CDCA5: variants seen among roughly 807,000 people sequenced by gnomAD.
CDCA5 encodes sororin.
In CDCA5, 14 loss-of-function variants were observed where a neutral mutation model predicts 25.7. The observed-to-expected ratio is 0.54, with a 90% CI of 0.36 to 0.85. The LOEUF (loss-of-function observed/expected upper bound fraction) is 0.85, where lower values mean the gene tolerates loss of function less well. Ranked by LOEUF, CDCA5 falls within the 40% of genes least tolerant of loss-of-function variation. The pLI, the probability that CDCA5 is intolerant of heterozygous loss-of-function variation, is 0.01. For missense variants in CDCA5, 307 were observed against 324.5 expected (o/e 0.95, Z 0.41); for synonymous variants, 127 against 128.7 (o/e 0.99, Z 0.09).
chr11:65,079,344 C>T lies in CDCA5; in HGVS notation c.678+9G>A. On this transcript the variant is annotated intron_variant, in intron 5 of 5. Coordinates refer to ENST00000275517, the MANE Select transcript of CDCA5 (RefSeq NM_080668.4). ...ACACGGCAGAGAAAAACCCCTGCCT[C>T]TCACTCACCAAGATCTCTGGCATTT... 6.2e-7 allele frequency: 1 copy of T among 1,614,144 alleles called. No individual in the cohort carries two copies. The highest frequency in any genetic ancestry group is 8.5e-7 in the Non-Finnish European group (1 of 1,180,020).
intron 4 of CDCA5, among the ~76,000 whole-genome samples, chr11:65,080,956 A>C (rs2137137046): frequency 6.6e-6 from 1 of 152,324 alleles, no homozygotes; most frequent in South Asian, 2.1e-4. Context: ...CACTGAGGTG[A>C]CATTCAAGCT....
downstream of CDCA5, among the ~76,000 whole-genome samples, chr11:65,062,775 A>G (rs1222056975): frequency 6.6e-6 from 1 of 152,154 alleles, no homozygotes. Context: ...TTAAAAATAC[A>G]TAAATAAAAT....
intron 4 of CDCA5, among the ~76,000 whole-genome samples, chr11:65,081,778 C>A (rs1947572142): frequency 6.6e-6 from 1 of 152,052 alleles, no homozygotes; most frequent in South Asian, 2.1e-4. Flanking sequence ...CCGGCCTGGG[C>A]AACATAGTGA....
chr11:65,076,347 T>C (rs910192576), downstream of CDCA5, among the ~76,000 whole-genome samples: 1 of 152,114 alleles, frequency 6.6e-6, no homozygotes, highest in African/African-American at 2.4e-5. Context: ...ACTCCTGAGC[T>C]CAAGTGATCC....
Position 65,080,965 on chromosome 11 carries a change from C to A in CDCA5, c.244-1178G>T, listed in dbSNP as rs139427611. Among the ~76,000 whole-genome samples, 92 of 152,304 alleles carry A rather than the reference C, an allele frequency of 6.0e-4. No individual in the cohort carries two copies. In the East Asian group the frequency reaches 0.014, roughly 24 times the overall value. ...ATCCCTCACTGAGGTGACATTCAAG[C>A]TACAACTTGAAGGAGGTGTGGGAGT... On this transcript the variant is annotated intron_variant, in intron 4 of 5. Coordinates refer to ENST00000275517, the MANE Select transcript of CDCA5 (RefSeq NM_080668.4).
chr11:65,083,218 TG>T, intron 4 of CDCA5, 145 bp downstream of exon 4: 1 of 812,256 alleles, frequency 1.2e-6, no homozygotes. Context: ...TAATCAAGAC[TG>T]GCAATGCATG....
exon 6 of CDCA5, chr11:65,066,559 G>C: frequency 7.8e-7 from 1 of 1,289,378 alleles, no homozygotes. Context: ...CACCTGAGCA[G>C]AGCCACCTCC....
rs1339106357 is a variant in CDCA5 at position 65,077,783 on chromosome 11, C to T, written c.*1324G>A. The stretch of plus-strand genomic sequence containing the variant: ...CCTGGCAGAGGGTTTTATTAGGGCC[C>T]GCCTGGCCTGCACCGTTTCATCCAA... On this transcript the variant is annotated 3_prime_UTR_variant, in exon 6 of 6. Coordinates refer to ENST00000275517, the MANE Select transcript of CDCA5 (RefSeq NM_080668.4). The T allele has an allele frequency of 1.9e-5, 19 of 985,576 alleles. No homozygotes were observed. The highest frequency in any genetic ancestry group is 5.2e-4 in the Middle Eastern group (1 of 1,914). 61.1% of individuals were successfully genotyped at this position (985,576 alleles called of 1,614,324 possible).
At chr11:65,065,140 C>A (rs1947221022), downstream of CDCA5, among the ~76,000 whole-genome samples, 1 of 152,158 alleles carries the variant, frequency 6.6e-6, no homozygotes, top group Non-Finnish European at 1.5e-5. Context: ...AGGAATTCTG[C>A]ATGGTGGATC....
chr11:65,064,783 G>A (rs1308126251), downstream of CDCA5, among the ~76,000 whole-genome samples: 1 of 152,170 alleles, frequency 6.6e-6, no homozygotes, highest in African/African-American at 2.4e-5. Flanking sequence ...CATGTTGGCA[G>A]GCTGAGGCGG....
downstream of CDCA5, among the ~76,000 whole-genome samples, chr11:65,072,770 A>G (rs1947364161): frequency 2.0e-5 from 3 of 152,092 alleles, no homozygotes; most frequent in Admixed American, 2.0e-4. Flanking sequence ...TTACACAGCT[A>G]CTGTGTAAAC....
chr11:65,079,311 C>G, intron 5 of CDCA5, 42 bp downstream of exon 5: 1 of 1,613,806 alleles, frequency 6.2e-7, no homozygotes, highest in Non-Finnish European at 8.5e-7. Flanking sequence ...CTGCACGTCT[C>G]CCAGAGCACA....
chr11:65,077,422 G>A, downstream of CDCA5: 1 of 983,190 alleles, frequency 1.0e-6, no homozygotes, highest in Non-Finnish European at 1.2e-6. Flanking sequence ...CTTCGGCTCT[G>A]CCTTTGACTC....
At chr11:65,079,993 C>T (rs949980387) in intron 4 of CDCA5, among the ~76,000 whole-genome samples, 2 of 151,820 alleles carry the variant, frequency 1.3e-5, no homozygotes, top group African/African-American at 2.4e-5. Context: ...CGGGTTCACG[C>T]CATTCTCCTG....
At chr11:65,062,016 G>C (rs1365471075), downstream of CDCA5, among the ~76,000 whole-genome samples, 1 of 148,196 alleles carries the variant, frequency 6.7e-6, no homozygotes, top group African/African-American at 2.5e-5. Flanking sequence ...TGCCTCCCAG[G>C]TTCAAGTGAT....
At position 65,079,524 on chromosome 11, in the gene CDCA5, C is replaced by T; in HGVS notation, c.507G>A (p.Glu169=). Residue 169 remains glutamate (E), a synonymous_variant, in exon 5 of 6, where the codon GAG becomes GAA. Coordinates refer to ENST00000275517, the MANE Select transcript of CDCA5 (RefSeq NM_080668.4). The part of the protein sequence containing the change: ...TPGRRSCFGF[E]GLLGAEDLSG... ...ACAAGTCTTCTGCCCCCAGCAGCCCCTCGAAGCCAAAGCAGGACCGGCGGC... is the reference window on the plus strand; with the variant it reads ...ACAAGTCTTCTGCCCCCAGCAGCCCTTCGAAGCCAAAGCAGGACCGGCGGC... 2 of 1,614,174 alleles carry T rather than the reference C, an allele frequency of 1.2e-6. No homozygotes were observed. Among genetic ancestry groups the T allele is most frequent in the Non-Finnish European group, 1.7e-6 (2 of 1,180,038 alleles).
At chr11:65,075,515 C>T (rs1196048), downstream of CDCA5, among the ~76,000 whole-genome samples, 71,218 of 149,968 alleles carry the variant, frequency 0.47, 20,021 homozygotes, top group Non-Finnish European at 0.63. Flanking sequence ...GGGAATGACC[C>T]ACAGGAGGCT....
chr11:65,083,189 GTAT>G, intron 4 of CDCA5, 172 bp downstream of exon 4: 1 of 678,498 alleles, frequency 1.5e-6, no homozygotes, highest in Non-Finnish European at 2.6e-6. Flanking sequence ...AAAGTTAAGT[GTAT>G]TAAGTCTTCA....
Position 65,083,346 on chromosome 11 carries a change from A to T in CDCA5, c.243+18T>A. ...TGACCCAGATTCTACTTAATTAAGTAGATGAAAGTGAACTCACCCTAGGGC... is the reference window on the plus strand; with the variant it reads ...TGACCCAGATTCTACTTAATTAAGTTGATGAAAGTGAACTCACCCTAGGGC... On this transcript the variant is annotated intron_variant, in intron 4 of 5. Coordinates refer to ENST00000275517, the MANE Select transcript of CDCA5 (RefSeq NM_080668.4). 1.1e-5 allele frequency: 17 copies of T among 1,613,974 alleles called. No homozygotes were observed. The highest frequency in any genetic ancestry group is 1.4e-5 in the Non-Finnish European group (17 of 1,179,822).
Sources: allele counts gnomAD v4.1 joint callset (sites outside exome capture counted in the v4.1 genomes callset), GRCh38; gene constraint gnomAD v4.1.1; transcripts MANE v1.5; gene names NCBI Gene and HGNC (gene_info 2026-07-23, HGNC 2026-07-21).